Variants in DPP6 observed in about 807,000 individuals in gnomAD.
DPP6 encodes the protein A-type potassium channel modulatory protein DPP6.
Under a neutral mutation model 122.6 loss-of-function variants are expected in DPP6, and 69 were observed. The ratio of observed to expected loss-of-function variants is 0.56; its 90% confidence interval spans 0.46 to 0.69. The LOEUF (loss-of-function observed/expected upper bound fraction) is 0.69. Among genes scored for constraint, DPP6 ranks in the 30% least tolerant of loss-of-function variants. The pLI, the probability that DPP6 is intolerant of heterozygous loss-of-function variation, is 0.00. For missense variants in DPP6, 928 were observed against 1,116.9 expected (o/e 0.83, Z 2.41); for synonymous variants, 418 against 433.1 (o/e 0.97, Z 0.43).
intron 6 of DPP6, among the ~76,000 whole-genome samples, chr7:154,668,846 C>T (rs1838365117): frequency 6.6e-6 from 1 of 152,092 alleles, no homozygotes; most frequent in South Asian, 2.1e-4. Context: ...AAAGGAAATA[C>T]ATCTTTCAAT....
chr7:154,167,742 A>G (rs916548157), intron 1 of DPP6, among the ~76,000 whole-genome samples: 9 of 152,222 alleles, frequency 5.9e-5, no homozygotes, highest in Non-Finnish European at 1.3e-4. Flanking sequence ...AGCCTTTTCC[A>G]TTAATTTAGT....
intron 9 of DPP6, among the ~76,000 whole-genome samples, chr7:154,771,053 C>A (rs1796222342): frequency 1.3e-5 from 2 of 152,246 alleles, no homozygotes; most frequent in South Asian, 2.1e-4. Context: ...TAAACCTCAG[C>A]ATCCTAGCCC....
At chr7:154,304,140 A>T (rs1806097385) in intron 1 of DPP6, among the ~76,000 whole-genome samples, 1 of 152,222 alleles carries the variant, frequency 6.6e-6, no homozygotes, top group South Asian at 2.1e-4. Flanking sequence ...AGGCCAGTGA[A>T]TGCCTGTGAC....
In DPP6 at chr7:154,309,892, G is replaced by A. The variant is rs572146416; in HGVS notation, c.244-136322G>A. 9.9e-5 allele frequency among the ~76,000 whole-genome samples: 15 copies of A among 152,264 alleles called. No homozygotes were observed. In the South Asian group the frequency reaches 2.5e-3, roughly 25 times the overall value. ...CATTGGATGTAGCAGCCATGCTCAC[G>A]TACAGTAAATTCCATCTGTGCATGG... On this transcript the variant is annotated intron_variant, in intron 1 of 25. Coordinates refer to ENST00000377770, the MANE Select transcript of DPP6 (RefSeq NM_130797.4).
intron 11 of DPP6, 94 bp downstream of exon 11, chr7:154,794,296 C>A: frequency 7.7e-6 from 11 of 1,422,698 alleles, no homozygotes; most frequent in East Asian, 2.7e-5. Context: ...GCCCTCGGGC[C>A]TGGGACTTGG....
intron 1 of DPP6, among the ~76,000 whole-genome samples, chr7:154,414,060 A>G (rs1816826158): frequency 6.6e-6 from 1 of 152,200 alleles, no homozygotes; most frequent in Non-Finnish European, 1.5e-5. Flanking sequence ...ATGTTCTGAT[A>G]TCTCCACTTG....
At chr7:153,937,665 C>G (rs2129015744) in intron 1 of DPP6, among the ~76,000 whole-genome samples, 1 of 152,236 alleles carries the variant, frequency 6.6e-6, no homozygotes, top group Non-Finnish European at 1.5e-5. Flanking sequence ...CCAGGCTGGT[C>G]TCAAGCTCCT....
At chr7:154,125,336 T>C (rs1277050904) in intron 1 of DPP6, among the ~76,000 whole-genome samples, 1 of 152,240 alleles carries the variant, frequency 6.6e-6, no homozygotes, top group East Asian at 1.9e-4. Flanking sequence ...ATATACCGCC[T>C]ACATTTCTGA....
At chr7:153,939,001 G>C (rs2129016107) in intron 1 of DPP6, among the ~76,000 whole-genome samples, 1 of 152,296 alleles carries the variant, frequency 6.6e-6, no homozygotes, top group Admixed American at 6.5e-5. Context: ...ATTCATTTGT[G>C]TGCACTTATA....
intron 1 of DPP6, among the ~76,000 whole-genome samples, chr7:154,438,973 G>A (rs948811640): frequency 1.3e-5 from 2 of 152,160 alleles, no homozygotes; most frequent in South Asian, 2.1e-4. Context: ...GGGCAGCTCC[G>A]ATCATTCTGA....
intron 7 of DPP6, among the ~76,000 whole-genome samples, chr7:154,705,412 A>C (rs1840772981): frequency 6.6e-6 from 1 of 152,020 alleles, no homozygotes; most frequent in Non-Finnish European, 1.5e-5. Context: ...CTGCGTGTTC[A>C]TCTCGCTCTC....
chr7:154,510,939 C>T (rs1249734772), intron 3 of DPP6, among the ~76,000 whole-genome samples: 4 of 842 alleles, frequency 4.8e-3, no homozygotes, highest in South Asian at 0.05. Flanking sequence ...CACACATGCA[C>T]ACACACACAC....
chr7:154,800,588 G>C (rs552569466), intron 12 of DPP6, among the ~76,000 whole-genome samples: 1 of 152,332 alleles, frequency 6.6e-6, no homozygotes, highest in Admixed American at 6.5e-5. Flanking sequence ...GGCAGAGATG[G>C]TGGCGACACC....
At chr7:154,120,218 G>A (rs939528648) in intron 1 of DPP6, among the ~76,000 whole-genome samples, 3 of 149,682 alleles carry the variant, frequency 2.0e-5, no homozygotes, top group African/African-American at 2.5e-5. Flanking sequence ...TTCTATATTC[G>A]TCATTCTTCC....
chr7:153,957,719 TA>T (rs201402352), intron 1 of DPP6, among the ~76,000 whole-genome samples: 2 of 152,072 alleles, frequency 1.3e-5, no homozygotes, highest in Admixed American at 1.3e-4. Context: ...TGTTTGGAAA[TA>T]AAAAAAATCA....
chr7:154,122,449 A>G (rs899353717), intron 1 of DPP6, among the ~76,000 whole-genome samples: 1 of 152,236 alleles, frequency 6.6e-6, no homozygotes. Context: ...CATACCTCCC[A>G]TCTATTATAT....
At chr7:154,153,792 G>C (rs537023497) in intron 1 of DPP6, among the ~76,000 whole-genome samples, 13 of 152,334 alleles carry the variant, frequency 8.5e-5, no homozygotes, top group African/African-American at 3.1e-4. Context: ...GTGTGACTGT[G>C]TACCAATAAA....
At chr7:154,588,049 T>C in intron 5 of DPP6, 1 of 1,609,146 alleles carries the variant, frequency 6.2e-7, no homozygotes, top group Non-Finnish European at 8.5e-7. Context: ...GCACAGCAGC[T>C]ACAGGCAGAT....
At chr7:154,764,586 T>C (rs1795786954) in intron 8 of DPP6, among the ~76,000 whole-genome samples, 1 of 152,144 alleles carries the variant, frequency 6.6e-6, no homozygotes, top group Non-Finnish European at 1.5e-5. Flanking sequence ...AGTGTGGGTG[T>C]TGGAGGACAA....
Sources: allele counts gnomAD v4.1 joint callset (sites outside exome capture counted in the v4.1 genomes callset), GRCh38; gene constraint gnomAD v4.1.1; transcripts MANE v1.5; gene names NCBI Gene and HGNC (gene_info 2026-07-23, HGNC 2026-07-21).